Variants in DCAF6 observed in about 807,000 individuals in gnomAD.
DCAF6 encodes the protein DDB1 and CUL4 associated factor 6.
DCAF6 carries 54 observed loss-of-function variants against 125.1 expected under a neutral mutation model. That is an observed-to-expected ratio of 0.43 (90% CI 0.35 to 0.54). The LOEUF (loss-of-function observed/expected upper bound fraction) is 0.54. DCAF6 is among the 20% of genes least tolerant of loss of function. The pLI is 0.01. For missense variants in DCAF6, 934 were observed against 1,161.7 expected (o/e 0.80, Z 2.85); for synonymous variants, 371 against 390.4 (o/e 0.95, Z 0.58).
upstream of DCAF6, among the ~76,000 whole-genome samples, chr1:167,932,584 G>A (rs1670939987): frequency 6.6e-6 from 1 of 152,062 alleles, no homozygotes; most frequent in African/African-American, 2.4e-5. Context: ...CAAGGCAGGT[G>A]GATCACCTGA....
intron 7 of DCAF6, among the ~76,000 whole-genome samples, chr1:168,001,616 T>G (rs1682635470): frequency 6.6e-6 from 1 of 151,772 alleles, no homozygotes; most frequent in Admixed American, 6.5e-5. Flanking sequence ...GCTGTAAAAC[T>G]GAGATTTTAT....
chr1:168,034,144 A>G (rs1342125216), intron 12 of DCAF6, among the ~76,000 whole-genome samples: 1 of 152,264 alleles, frequency 6.6e-6, no homozygotes, highest in African/African-American at 2.4e-5. Context: ...TAAAATAGTT[A>G]CTTATCTAAG....
intron 8 of DCAF6, 52 bp from the exon 9 acceptor site, chr1:168,003,818 G>A (rs983053171): frequency 1.1e-5 from 17 of 1,491,328 alleles, no homozygotes; most frequent in Non-Finnish European, 1.4e-5. Context: ...TTGTATTAAT[G>A]AAAGATTCTG....
the DCAF6 span, among the ~76,000 whole-genome samples, chr1:167,902,479 C>T: frequency 2.0e-5 from 3 of 152,344 alleles, no homozygotes; most frequent in Non-Finnish European, 2.9e-5. Context: ...GGGAAAATCA[C>T]AACCATAGTC....
intron 9 of DCAF6, among the ~76,000 whole-genome samples, chr1:168,004,317 A>G (rs960399204): frequency 1.3e-5 from 2 of 152,160 alleles, no homozygotes; most frequent in Non-Finnish European, 2.9e-5. Context: ...GTAATAGGAA[A>G]GATTGATTGC....
At chr1:168,001,131 T>C (rs1682549587) in intron 7 of DCAF6, among the ~76,000 whole-genome samples, 1 of 151,952 alleles carries the variant, frequency 6.6e-6, no homozygotes, top group African/African-American at 2.4e-5. Flanking sequence ...CTAGACTCCA[T>C]CTCTAAAAAA....
At chr1:167,899,348 C>A in the DCAF6 span, 1 of 1,442,974 alleles carries the variant, frequency 6.9e-7, no homozygotes, top group Non-Finnish European at 9.7e-7. Context: ...AACCAGCGTG[C>A]CCAGTGACTC....
intron 2 of DCAF6, among the ~76,000 whole-genome samples, chr1:167,953,115 G>T (rs1025218721): frequency 2.0e-5 from 3 of 151,808 alleles, no homozygotes; most frequent in African/African-American, 4.8e-5. Context: ...TGTTTTTTCG[G>T]TATTAATCTA....
chr1:168,029,705 G>T (rs995955774), intron 12 of DCAF6, among the ~76,000 whole-genome samples: 1 of 152,320 alleles, frequency 6.6e-6, no homozygotes, highest in South Asian at 2.1e-4. Context: ...CTAAGGCCGG[G>T]CGTGGTGGCT....
chr1:167,959,880 A>G (rs1675310580), intron 2 of DCAF6, among the ~76,000 whole-genome samples: 1 of 152,078 alleles, frequency 6.6e-6, no homozygotes, highest in Admixed American at 6.5e-5. Context: ...AGTCTTATCA[A>G]TGATTTCTTT....
the DCAF6 span, among the ~76,000 whole-genome samples, chr1:167,872,347 TAA>T: frequency 7.0e-6 from 1 of 142,220 alleles, no homozygotes; most frequent in Non-Finnish European, 1.5e-5. Context: ...TCAAAAAAAA[TAA>T]AGTTTCCTAA....
intron 13 of DCAF6, among the ~76,000 whole-genome samples, chr1:168,041,549 T>C (rs1443874916): frequency 6.6e-6 from 1 of 152,038 alleles, no homozygotes; most frequent in Non-Finnish European, 1.5e-5. Context: ...TATTTTCCCA[T>C]AAAGTATAAC....
the DCAF6 span, among the ~76,000 whole-genome samples, chr1:167,930,311 T>TA: frequency 3.5e-4 from 54 of 152,234 alleles, no homozygotes; most frequent in Non-Finnish European, 6.8e-4. Flanking sequence ...TGATACGTTT[T>TA]AAATTTACTT....
chr1:168,037,295 A>G (rs1484332287), intron 12 of DCAF6, among the ~76,000 whole-genome samples: 1 of 152,070 alleles, frequency 6.6e-6, no homozygotes, highest in Non-Finnish European at 1.5e-5. Flanking sequence ...AAAAAATCCT[A>G]AGTATATTTG....
the DCAF6 span, chr1:167,880,031 A>G: frequency 9.2e-6 from 11 of 1,201,158 alleles, no homozygotes; most frequent in African/African-American, 1.7e-4. Flanking sequence ...TGTCTCACTC[A>G]TTTTTGTGCT....
At chr1:168,053,777 G>C (rs1415706835) in intron 17 of DCAF6, among the ~76,000 whole-genome samples, 1 of 152,158 alleles carries the variant, frequency 6.6e-6, no homozygotes, top group African/African-American at 2.4e-5. Flanking sequence ...AGGAAAGTAG[G>C]TGTTCACCAC....
chr1:167,940,629 G>A (rs1557868527), intron 1 of DCAF6, among the ~76,000 whole-genome samples: 1 of 151,916 alleles, frequency 6.6e-6, no homozygotes, highest in Non-Finnish European at 1.5e-5. Flanking sequence ...GGAAATCAGT[G>A]ATTTATTAGC....
At chr1:167,896,733 C>T in the DCAF6 span, 1 of 1,345,698 alleles carries the variant, frequency 7.4e-7, no homozygotes, top group African/African-American at 1.4e-5. Flanking sequence ...ATTCTGAGAA[C>T]TGTTTAATCC....
chr1:168,072,983 C>G (rs1693308418), intron 21 of DCAF6, among the ~76,000 whole-genome samples: 1 of 152,136 alleles, frequency 6.6e-6, no homozygotes. Context: ...CATAGACATC[C>G]TGGCTAACAT....
Sources: gnomAD v4.1 joint callset for allele counts (sites outside exome capture counted in the v4.1 genomes callset) on GRCh38, gnomAD v4.1.1 for gene constraint, MANE v1.5 for transcripts, NCBI Gene and HGNC (gene_info 2026-07-23, HGNC 2026-07-21) for gene names.